CDK6: variants seen among roughly 807,000 people sequenced by gnomAD.
CDK6 encodes cyclin-dependent kinase 6.
A neutral mutation model predicts 37.1 loss-of-function variants in CDK6; 6 were observed. That is an observed-to-expected ratio of 0.16 (90% CI 0.09 to 0.32). CDK6 has a LOEUF of 0.32. CDK6 is among the 10% of genes least tolerant of loss of function. CDK6 has a pLI of 1.00. For synonymous variants in CDK6, 160 were observed against 161.3 expected, an observed-to-expected ratio of 0.99 and a Z score of 0.06; for missense variants, 224 against 418.9, an observed-to-expected ratio of 0.53 and a Z score of 4.06.
At chr7:92,779,416 T>C (rs1397695302) in intron 2 of CDK6, among the ~76,000 whole-genome samples, 1 of 152,200 alleles carries the variant, frequency 6.6e-6, no homozygotes, top group Non-Finnish European at 1.5e-5. Context: ...GAGCAGAACA[T>C]TTTCACATAA....
intron 3 of CDK6, among the ~76,000 whole-genome samples, chr7:92,772,640 C>G (rs1344141102): frequency 6.6e-6 from 1 of 152,116 alleles, no homozygotes; most frequent in African/African-American, 2.4e-5. Context: ...AGCCACTGCC[C>G]CCTGTCTTCT....
At position 92,607,203 on chromosome 7, in the gene CDK6, C is replaced by A; in HGVS notation, c.*7937G>T. ...AACAGTACTGCCTGTTCCCACTACT[C>A]CACATGACACCTACGAGGGCACTAC... On this transcript the variant is annotated 3_prime_UTR_variant, in exon 8 of 8. Transcript: ENST00000424848. 4.3e-6 allele frequency: 1 copy of A among 233,658 alleles called. No homozygotes were observed. 14.5% of individuals were successfully genotyped at this position (233,658 alleles called of 1,614,324 possible).
intron 2 of CDK6, among the ~76,000 whole-genome samples, chr7:92,813,548 G>A (rs1477488100): frequency 6.6e-6 from 1 of 152,182 alleles, no homozygotes; most frequent in Non-Finnish European, 1.5e-5. Context: ...CTACTCTGCA[G>A]CTGTATGCAA....
chr7:92,753,229 T>C (rs1799228923), intron 3 of CDK6, among the ~76,000 whole-genome samples: 1 of 151,974 alleles, frequency 6.6e-6, no homozygotes, highest in Non-Finnish European at 1.5e-5. Flanking sequence ...TCCCCTAAAA[T>C]CAGAGATCAG....
chr7:92,647,327 T>C (rs954336028), intron 5 of CDK6, among the ~76,000 whole-genome samples: 3 of 152,078 alleles, frequency 2.0e-5, no homozygotes, highest in African/African-American at 4.8e-5. Flanking sequence ...GTTGTGAGAG[T>C]GAATACCCGA....
At chr7:92,674,375 C>T (rs1797159408) in intron 4 of CDK6, among the ~76,000 whole-genome samples, 1 of 152,150 alleles carries the variant, frequency 6.6e-6, no homozygotes, top group South Asian at 2.1e-4. Flanking sequence ...CATGGCCCTG[C>T]CTTAATCTAT....
intron 4 of CDK6, among the ~76,000 whole-genome samples, chr7:92,680,993 A>G (rs1356786935): frequency 1.3e-5 from 2 of 152,154 alleles, no homozygotes; most frequent in Non-Finnish European, 1.5e-5. Flanking sequence ...AGTGTCATGC[A>G]TGGAAGGTGC....
chr7:92,707,015 G>C (rs1032982311), intron 4 of CDK6, among the ~76,000 whole-genome samples: 1 of 152,126 alleles, frequency 6.6e-6, no homozygotes, highest in East Asian at 1.9e-4. Flanking sequence ...AATGAAAAAA[G>C]AGAGAATGGT....
intron 5 of CDK6, among the ~76,000 whole-genome samples, chr7:92,625,567 A>C (rs111450372): frequency 0.041 from 6,159 of 152,008 alleles, 176 homozygotes; most frequent in Non-Finnish European, 0.058. Context: ...CAAAACAAAA[A>C]AAACCAAAAA....
At chr7:92,816,874 T>G (rs1461225469) in intron 2 of CDK6, among the ~76,000 whole-genome samples, 1 of 151,808 alleles carries the variant, frequency 6.6e-6, no homozygotes, top group Non-Finnish European at 1.5e-5. Flanking sequence ...AGAGTGGACA[T>G]CACTACATAT....
rs867919651 is a variant in CDK6 at position 92,629,336 on chromosome 7, G to A, written c.648-6250C>T. ...GAATTAATTTTTCCTTGTTACCGATGTGAATAATTTATTTATCCACAGAGG... is the reference window on the plus strand; with the variant it reads ...GAATTAATTTTTCCTTGTTACCGATATGAATAATTTATTTATCCACAGAGG... On this transcript the variant is annotated intron_variant, in intron 5 of 7. Transcript: ENST00000424848. Among the ~76,000 whole-genome samples, 3 of 152,152 alleles carry A rather than the reference G, an allele frequency of 2.0e-5. No individual in the cohort carries two copies. The South Asian group carries it at 6.2e-4, about 32-fold the overall frequency.
chr7:92,637,559 C>A (rs962062680), intron 5 of CDK6, among the ~76,000 whole-genome samples: 1 of 152,044 alleles, frequency 6.6e-6, no homozygotes, highest in Non-Finnish European at 1.5e-5. Context: ...AATAACTTTT[C>A]TTCAACATCA....
intron 2 of CDK6, among the ~76,000 whole-genome samples, chr7:92,813,682 T>C (rs1423688347): frequency 1.3e-5 from 2 of 152,178 alleles, no homozygotes; most frequent in Non-Finnish European, 2.9e-5. Context: ...ACAGTGAGCT[T>C]CCAGAAATAT....
rs981895036 is a variant in CDK6, at chr7:92,609,698, C to T, written c.*5442G>A. The T allele has an allele frequency of 1.3e-5, 3 of 231,146 alleles. No homozygotes were observed. Among genetic ancestry groups the T allele is most frequent in the African/African-American group, 6.6e-5 (3 of 45,234 alleles). The allele number at this position is 231,146 out of a possible 1,614,324, so 14.3% of individuals were successfully genotyped here. On this transcript the variant is annotated 3_prime_UTR_variant, in exon 8 of 8. Coordinates refer to ENST00000424848, the MANE Select transcript of CDK6 (RefSeq NM_001145306.2). ...GGTATGTGTGTTTTAACTGGGGCCA[C>T]TAAAGGAGTTTTATACTTCTAACGA... is the stretch of plus-strand genomic sequence containing the variant.
At chr7:92,753,515 C>T (rs532334508) in intron 3 of CDK6, among the ~76,000 whole-genome samples, 42 of 151,432 alleles carry the variant, frequency 2.8e-4, no homozygotes, top group African/African-American at 9.4e-4. Context: ...ATTTTTGAGA[C>T]GGAGTCTTGC....
chr7:92,796,013 G>A (rs561902441), intron 2 of CDK6, among the ~76,000 whole-genome samples: 56 of 149,792 alleles, frequency 3.7e-4, no homozygotes, highest in Non-Finnish European at 6.5e-4. Context: ...AACTAAGATG[G>A]AAAGTTGTAA....
In CDK6 at chr7:92,612,250, A is replaced by C. The variant is rs1013602635; in HGVS notation, c.*2890T>G. On this transcript the variant is annotated 3_prime_UTR_variant, in exon 8 of 8. Transcript: ENST00000424848. The stretch of plus-strand genomic sequence containing the variant: ...ACTATGAAATTCAAACATGATTTCA[A>C]ATCTGTCACAATATTTTAACTTGCT... 5 of 233,094 alleles carry C rather than the reference A, an allele frequency of 2.1e-5. No homozygotes were observed. The highest frequency in any genetic ancestry group is 6.6e-5 in the African/African-American group (3 of 45,376). 14.4% of individuals were successfully genotyped at this position (233,094 alleles called of 1,614,324 possible).
chr7:92,653,570 A>T (rs920270742), intron 5 of CDK6, among the ~76,000 whole-genome samples: 2 of 152,196 alleles, frequency 1.3e-5, no homozygotes, highest in Non-Finnish European at 2.9e-5. Flanking sequence ...GTGAGTCAAC[A>T]AGTTTTTTAT....
intron 4 of CDK6, among the ~76,000 whole-genome samples, chr7:92,702,695 C>G (rs569451782): frequency 6.6e-6 from 1 of 152,310 alleles, no homozygotes; most frequent in Admixed American, 6.5e-5. Context: ...CCACTACCCA[C>G]AGACTTTGGT....
Sources: gnomAD v4.1 joint callset for allele counts (sites outside exome capture counted in the v4.1 genomes callset) on GRCh38, gnomAD v4.1.1 for gene constraint, MANE v1.5 for transcripts, NCBI Gene and HGNC (gene_info 2026-07-23, HGNC 2026-07-21) for gene names.